NALF1: variants seen among roughly 807,000 people sequenced by gnomAD.
NALF1 encodes NALCN channel auxiliary factor 1, also known as family with sequence similarity 155 member A.
Under a neutral mutation model 48.4 loss-of-function variants are expected in NALF1, and 3 were observed. The ratio of observed to expected loss-of-function variants is 0.06; its 90% CI spans 0.03 to 0.16. The LOEUF (loss-of-function observed/expected upper bound fraction) is 0.16, where lower values mean the gene tolerates loss of function less well. NALF1 is among the 10% of genes least tolerant of loss of function. The probability of loss-of-function intolerance (pLI) is 1.00; values close to 1 mark genes in which losing one functional copy is unlikely to be tolerated. For missense variants in NALF1, 526 were observed against 571.5 expected (o/e 0.92, Z 0.81); for synonymous variants, 262 against 245.7 (o/e 1.07, Z -0.62).
At chr13:107,284,326 G>A (rs1881448772) in intron 1 of NALF1, among the ~76,000 whole-genome samples, 1 of 151,980 alleles carries the variant, frequency 6.6e-6, no homozygotes, top group Admixed American at 6.6e-5. Context: ...AAGTATATGA[G>A]TAAGCAGGAA....
intron 1 of NALF1, among the ~76,000 whole-genome samples, chr13:107,724,301 T>C (rs1383221178): frequency 1.3e-5 from 2 of 152,084 alleles, no homozygotes; most frequent in Non-Finnish European, 2.9e-5. Flanking sequence ...TTCACAATGT[T>C]AACTCATATT....
chr13:107,660,459 AC>A (rs1487948869), intron 1 of NALF1, among the ~76,000 whole-genome samples: 6,450 of 132,222 alleles, frequency 0.049, 538 homozygotes, highest in African/African-American at 0.17. Context: ...ACACACACAC[AC>A]ACACACACAC....
At chr13:107,715,954 T>C (rs1476325575) in intron 1 of NALF1, among the ~76,000 whole-genome samples, 2 of 152,128 alleles carry the variant, frequency 1.3e-5, no homozygotes, top group African/African-American at 4.8e-5. Context: ...AATGGAGCAG[T>C]TAAAGAGGAT....
intron 1 of NALF1, among the ~76,000 whole-genome samples, chr13:107,419,327 G>T (rs756221038): frequency 1.3e-5 from 2 of 152,176 alleles, no homozygotes; most frequent in African/African-American, 2.4e-5. Flanking sequence ...ATTTATTGTT[G>T]GGTGTACCAT....
At chr13:107,689,174 C>T (rs571403834) in intron 1 of NALF1, among the ~76,000 whole-genome samples, 106 of 152,280 alleles carry the variant, frequency 7.0e-4, no homozygotes, top group African/African-American at 2.5e-3. Context: ...CAGATCTGCG[C>T]GCTAGTAGGC....
intron 1 of NALF1, among the ~76,000 whole-genome samples, chr13:107,525,646 A>G (rs1876406509): frequency 6.6e-6 from 1 of 152,106 alleles, no homozygotes; most frequent in South Asian, 2.1e-4. Flanking sequence ...GGATTTTTTT[A>G]GTCAGATGAT....
intron 1 of NALF1, among the ~76,000 whole-genome samples, chr13:107,758,866 AG>A (rs1410392039): frequency 6.6e-6 from 1 of 152,244 alleles, no homozygotes; most frequent in Non-Finnish European, 1.5e-5. Context: ...ATCTCAATAC[AG>A]GTTTTACGAG....
chr13:107,623,645 AG>A (rs1318951535), intron 1 of NALF1, among the ~76,000 whole-genome samples: 1 of 152,180 alleles, frequency 6.6e-6, no homozygotes, highest in Non-Finnish European at 1.5e-5. Flanking sequence ...AGAAACGCAA[AG>A]ATTTGGCTTG....
chr13:107,224,905 A>C (rs1428560936), intron 1 of NALF1, among the ~76,000 whole-genome samples: 1 of 152,260 alleles, frequency 6.6e-6, no homozygotes, highest in African/African-American at 2.4e-5. Context: ...AAAAACAACA[A>C]TAACAACAGA....
rs61473619 is a variant in NALF1 at position 107,362,707 on chromosome 13, C to A, written c.916-151952G>T. The stretch of plus-strand genomic sequence containing the variant: ...TGCTGGGGGGACACAATTCTACCAC[C>A]GACAAGTGTCTGGAGGGATGTGGAG... On this transcript the variant is annotated intron_variant, in intron 1 of 2. Transcript: ENST00000375915. The surrounding 1 kb of genome is among the most constrained non-coding windows in gnomAD (Gnocchi z 4.6). 4.8e-3 allele frequency among the ~76,000 whole-genome samples: 729 copies of A among 152,124 alleles called. 8 individuals carry two copies. Among genetic ancestry groups the A allele is most frequent in the African/African-American group, 0.016 (684 of 41,480 alleles).
At chr13:107,295,193 A>G (rs946649612) in intron 1 of NALF1, among the ~76,000 whole-genome samples, 12 of 152,042 alleles carry the variant, frequency 7.9e-5, no homozygotes, top group African/African-American at 2.9e-4. Flanking sequence ...CTTTGTGTCC[A>G]GGTGTACTCA....
chr13:107,224,061 GAAT>G (rs1409391880), intron 1 of NALF1, among the ~76,000 whole-genome samples: 1 of 151,726 alleles, frequency 6.6e-6, no homozygotes, highest in African/African-American at 2.4e-5. Flanking sequence ...ATTGATTAAT[GAAT>G]AATATTATTC....
rs1468804449 is a variant in NALF1 at position 107,713,757 on chromosome 13, G to A, written c.915+151925C>T. Among the ~76,000 whole-genome samples, 3 of 152,140 alleles carry A rather than the reference G, an allele frequency of 2.0e-5. No homozygotes were observed. The East Asian group carries it at 5.8e-4, about 29-fold the overall frequency. ...ATACATATGTGCTATATATTTATCA[G>A]TAATTTTTCTGTATCTGTTTTATTT... On this transcript the variant is annotated intron_variant, in intron 1 of 2. Transcript: ENST00000375915.
At chr13:107,523,868 A>G (rs1876337496) in intron 1 of NALF1, among the ~76,000 whole-genome samples, 1 of 152,168 alleles carries the variant, frequency 6.6e-6, no homozygotes, top group Non-Finnish European at 1.5e-5. Context: ...AAGTAATTAC[A>G]TGCTATGTTA....
At chr13:107,368,236 A>C (rs1284079182) in intron 1 of NALF1, among the ~76,000 whole-genome samples, 1 of 152,144 alleles carries the variant, frequency 6.6e-6, no homozygotes, top group East Asian at 1.9e-4. Context: ...AAAGCTCTCC[A>C]CTATGTGGCA....
intron 1 of NALF1, among the ~76,000 whole-genome samples, chr13:107,529,539 A>G (rs906163153): frequency 6.6e-6 from 1 of 152,208 alleles, no homozygotes; most frequent in East Asian, 1.9e-4. Context: ...TATTCACACT[A>G]TATGTCCTAG....
chr13:107,828,558 T>C (rs1879592861), intron 1 of NALF1, among the ~76,000 whole-genome samples: 1 of 126,850 alleles, frequency 7.9e-6, no homozygotes, highest in South Asian at 2.5e-4. Context: ...TAGAGAGTCA[T>C]ATTAAATTCT....
At chr13:107,377,267 TG>T (rs1309215586) in intron 1 of NALF1, among the ~76,000 whole-genome samples, 1 of 152,062 alleles carries the variant, frequency 6.6e-6, no homozygotes, top group Non-Finnish European at 1.5e-5. Flanking sequence ...AGGAAAGAGG[TG>T]GGACTGGGAA....
chr13:107,712,520 T>C (rs185051201), intron 1 of NALF1, among the ~76,000 whole-genome samples: 5 of 152,258 alleles, frequency 3.3e-5, no homozygotes, highest in East Asian at 3.9e-4. Flanking sequence ...GAGATTAATA[T>C]AGAAGGTTCT....
Sources: allele counts gnomAD v4.1 joint callset (sites outside exome capture counted in the v4.1 genomes callset), GRCh38; gene constraint gnomAD v4.1.1; non-coding constraint Gnocchi (gnomAD v3.1); transcripts MANE v1.5; gene names NCBI Gene and HGNC (gene_info 2026-07-23, HGNC 2026-07-21).